Variants in NR2C2 observed in about 807,000 individuals in gnomAD.
NR2C2 encodes Nuclear hormone receptor TR4.
A neutral mutation model predicts 62.9 loss-of-function variants in NR2C2; 6 were observed. The ratio of observed to expected loss-of-function variants is 0.10; its 90% CI spans 0.05 to 0.19. NR2C2 has a LOEUF of 0.19. Among genes scored for constraint, NR2C2 ranks in the 10% least tolerant of loss-of-function variants. The pLI, the probability that NR2C2 is intolerant of heterozygous loss-of-function variation, is 1.00. For missense variants in NR2C2, 479 were observed against 762.7 expected, an observed-to-expected ratio of 0.63 and a Z score of 4.38; for synonymous variants, 272 against 273.8, an observed-to-expected ratio of 0.99 and a Z score of 0.07.
intron 1 of NR2C2, among the ~76,000 whole-genome samples, chr3:14,970,623 C>T (rs2040008598): frequency 6.6e-6 from 1 of 152,176 alleles, no homozygotes; most frequent in African/African-American, 2.4e-5. Context: ...ATAATGTCCT[C>T]AAGGTTAATC....
intron 1 of NR2C2, among the ~76,000 whole-genome samples, chr3:14,956,188 A>G (rs990431176): frequency 6.6e-6 from 1 of 152,232 alleles, no homozygotes; most frequent in African/African-American, 2.4e-5. Flanking sequence ...TTTGTATTAC[A>G]CTAAACCTGC....
chr3:14,994,423 T>C (rs1221554585), intron 1 of NR2C2, among the ~76,000 whole-genome samples: 1 of 150,564 alleles, frequency 6.6e-6, no homozygotes. Context: ...GAATTCGTTG[T>C]TGTTGTTTAT....
intron 2 of NR2C2, among the ~76,000 whole-genome samples, chr3:15,007,710 C>T (rs2041225798): frequency 6.6e-6 from 1 of 151,970 alleles, no homozygotes; most frequent in South Asian, 2.1e-4. Context: ...ACTTTTTCCT[C>T]AGGAGCGATT....
chr3:15,019,669 A>G (rs1266215454), intron 4 of NR2C2, among the ~76,000 whole-genome samples: 2 of 152,198 alleles, frequency 1.3e-5, no homozygotes, highest in East Asian at 3.8e-4. Flanking sequence ...CAGAAAGACA[A>G]ATACGATCTC....
chr3:14,956,701 C>G (rs1470593430), intron 1 of NR2C2, among the ~76,000 whole-genome samples: 1 of 152,212 alleles, frequency 6.6e-6, no homozygotes, highest in South Asian at 2.1e-4. Context: ...GCCACCATGC[C>G]TGGCTGATTT....
chr3:15,035,558 G>C (rs2042082434), intron 11 of NR2C2, among the ~76,000 whole-genome samples: 1 of 152,244 alleles, frequency 6.6e-6, no homozygotes, highest in African/African-American at 2.4e-5. Context: ...CTGAGGCCCT[G>C]ATAAGGTCCC....
intron 1 of NR2C2, among the ~76,000 whole-genome samples, chr3:14,992,385 G>GAT: frequency 6.6e-6 from 1 of 152,216 alleles, no homozygotes; most frequent in East Asian, 1.9e-4. Context: ...GTAATTAGCA[G>GAT]ACAGGCACAA....
At chr3:15,038,420 A>G (rs1343140813) in intron 12 of NR2C2, 1 of 272,500 alleles carries the variant, frequency 3.7e-6, no homozygotes, top group African/African-American at 2.2e-5. Context: ...ACACCATACA[A>G]AAGTGTGCTG....
chr3:14,967,443 A>C (rs751344232), intron 1 of NR2C2, among the ~76,000 whole-genome samples: 1 of 152,118 alleles, frequency 6.6e-6, no homozygotes, highest in Non-Finnish European at 1.5e-5. Flanking sequence ...ACTGGAAAGG[A>C]AGTGGAAAAA....
chr3:14,993,222 G>C (rs1333208481), intron 1 of NR2C2, among the ~76,000 whole-genome samples: 1 of 152,194 alleles, frequency 6.6e-6, no homozygotes, highest in Non-Finnish European at 1.5e-5. Context: ...GGGAGGCCAA[G>C]ACAGGCGGAT....
At chr3:14,983,952 G>T (rs540775811) in intron 1 of NR2C2, among the ~76,000 whole-genome samples, 1 of 152,014 alleles carries the variant, frequency 6.6e-6, no homozygotes, top group Admixed American at 6.6e-5. Flanking sequence ...GCAATGGCGC[G>T]ATCTTGGCTC....
intron 2 of NR2C2, 133 bp from the exon 3 acceptor site, chr3:15,013,456 G>A (rs1575004876): frequency 2.8e-6 from 2 of 715,816 alleles, no homozygotes; most frequent in South Asian, 1.7e-5. Context: ...GTTCACCGTG[G>A]ACTGGTGAAA....
At chr3:15,007,412 C>T (rs1171937562) in intron 2 of NR2C2, among the ~76,000 whole-genome samples, 2 of 151,994 alleles carry the variant, frequency 1.3e-5, no homozygotes, top group East Asian at 1.9e-4. Flanking sequence ...CAGGCATGAG[C>T]CACCGTGCCC....
intron 7 of NR2C2, among the ~76,000 whole-genome samples, chr3:15,028,210 G>A (rs950164240): frequency 6.6e-6 from 1 of 152,068 alleles, no homozygotes; most frequent in Non-Finnish European, 1.5e-5. Context: ...AGTTGTTAGC[G>A]TTCCTTAGAC....
chr3:14,955,809 G>C (rs748128225), intron 1 of NR2C2, among the ~76,000 whole-genome samples: 1 of 152,098 alleles, frequency 6.6e-6, no homozygotes, highest in Non-Finnish European at 1.5e-5. Context: ...GGTAGGATAA[G>C]AAAAAATCAT....
At chr3:14,951,473 A>G (rs1574914517) in intron 1 of NR2C2, among the ~76,000 whole-genome samples, 1 of 152,336 alleles carries the variant, frequency 6.6e-6, no homozygotes, top group South Asian at 2.1e-4. Context: ...TAAAAATAAT[A>G]ATAGTTTAAC....
At chr3:15,038,390 A>C in intron 12 of NR2C2, 1 of 320,700 alleles carries the variant, frequency 3.1e-6, no homozygotes, top group Non-Finnish European at 5.7e-6. Context: ...TCCTAATTAA[A>C]CCATTGGCCA....
At chr3:14,982,099 C>T (rs1325799796) in intron 1 of NR2C2, among the ~76,000 whole-genome samples, 1 of 152,178 alleles carries the variant, frequency 6.6e-6, no homozygotes, top group Non-Finnish European at 1.5e-5. Flanking sequence ...ATCAACATCA[C>T]ACTGTCGCCC....
chr3:15,028,391 T>A (rs1343984960), intron 7 of NR2C2, among the ~76,000 whole-genome samples, 195 bp from the exon 8 acceptor site: 1 of 152,222 alleles, frequency 6.6e-6, no homozygotes, highest in Admixed American at 6.5e-5. Flanking sequence ...GTCACATATC[T>A]AGATTTGTGT....
Sources: gnomAD v4.1 joint callset for allele counts (sites outside exome capture counted in the v4.1 genomes callset) on GRCh38, gnomAD v4.1.1 for gene constraint, MANE v1.5 for transcripts, NCBI Gene and HGNC (gene_info 2026-07-23, HGNC 2026-07-21) for gene names.